The following CLVS2 variants were observed in gnomAD, a reference collection of about 807,000 sequenced individuals.
CLVS2 encodes clavesin-2.
Under a neutral mutation model 29.0 loss-of-function variants are expected in CLVS2, and 19 were observed. The ratio of observed to expected loss-of-function variants is 0.66; its 90% CI spans 0.46 to 0.96. The LOEUF is 0.96. CLVS2 is among the 40% of genes least tolerant of loss of function. The pLI, the probability that CLVS2 is intolerant of heterozygous loss-of-function variation, is 0.00. For missense variants in CLVS2, 294 were observed against 404.1 expected, an observed-to-expected ratio of 0.73 and a Z score of 2.34; for synonymous variants, 161 against 151.3, an observed-to-expected ratio of 1.06 and a Z score of -0.47.
At chr6:123,000,596 G>T (rs1774576620) in intron 2 of CLVS2, among the ~76,000 whole-genome samples, 1 of 152,132 alleles carries the variant, frequency 6.6e-6, no homozygotes, top group Non-Finnish European at 1.5e-5. Flanking sequence ...TCTTTCCCTA[G>T]GTGTTTAAGT....
chr6:123,048,493 CTCCTT>C (rs1772555449), intron 3 of CLVS2, 124 bp from the exon 4 acceptor site: 1 of 595,018 alleles, frequency 1.7e-6, no homozygotes, highest in Admixed American at 3.2e-5. Flanking sequence ...CTTCTTTTCT[CTCCTT>C]AACTCCACAG....
intron 3 of CLVS2, among the ~76,000 whole-genome samples, chr6:123,019,100 A>G (rs1032146567): frequency 6.6e-6 from 1 of 152,062 alleles, no homozygotes; most frequent in Non-Finnish European, 1.5e-5. Context: ...AGCAGGGAGA[A>G]TCACATGCAA....
At chr6:123,018,642 C>T (rs1432745213) in intron 3 of CLVS2, among the ~76,000 whole-genome samples, 1 of 147,140 alleles carries the variant, frequency 6.8e-6, no homozygotes, top group Non-Finnish European at 1.5e-5. Context: ...AACTAAAATA[C>T]TCTTTTTTCT....
chr6:123,001,511 C>T (rs982541230), intron 2 of CLVS2, among the ~76,000 whole-genome samples: 11 of 152,144 alleles, frequency 7.2e-5, no homozygotes, highest in African/African-American at 2.7e-4. Flanking sequence ...TTGAGCTGTA[C>T]CTTGGAAAAG....
At chr6:123,021,034 A>G (rs1774911994) in intron 3 of CLVS2, among the ~76,000 whole-genome samples, 2 of 138,570 alleles carry the variant, frequency 1.4e-5, no homozygotes, top group Admixed American at 1.4e-4. Flanking sequence ...GTCATTGTTC[A>G]CTTATCTGAA....
At chr6:123,059,705 T>C (rs934365958) in intron 5 of CLVS2, among the ~76,000 whole-genome samples, 1 of 152,214 alleles carries the variant, frequency 6.6e-6, no homozygotes, top group Non-Finnish European at 1.5e-5. Context: ...GGAAAGTCTC[T>C]TTACTTACCA....
Position 123,068,963 on chromosome 6 carries a change from T to C in CLVS2, c.*5202T>C, listed in dbSNP as rs1224339631. ...ATCTGCTGCATCTATAAAATGGAGA[T>C]TTCTTTAAAAAATCGTCTAAAAATT... On this transcript the variant is annotated 3_prime_UTR_variant, in exon 6 of 6. Coordinates refer to ENST00000275162, the MANE Select transcript of CLVS2 (RefSeq NM_001010852.4). The C allele has an allele frequency of 1.3e-5, 2 of 151,710 alleles. No homozygotes were observed. Among genetic ancestry groups the C allele is most frequent in the Non-Finnish European group, 3.0e-5 (2 of 67,760 alleles). 9.4% of individuals were successfully genotyped at this position (151,710 alleles called of 1,614,324 possible).
At chr6:123,053,408 T>C (rs1048935803) in intron 4 of CLVS2, among the ~76,000 whole-genome samples, 1 of 152,038 alleles carries the variant, frequency 6.6e-6, no homozygotes, top group African/African-American at 2.4e-5. Context: ...TGCCAAGAAG[T>C]ATTTAGGATG....
At chr6:123,036,052 T>G (rs1775149335) in intron 3 of CLVS2, among the ~76,000 whole-genome samples, 1 of 152,102 alleles carries the variant, frequency 6.6e-6, no homozygotes, top group Admixed American at 6.6e-5. Context: ...GACCAAATAC[T>G]AGTATAAACA....
chr6:123,012,794 A>C (rs937382566), intron 3 of CLVS2, among the ~76,000 whole-genome samples: 23 of 151,990 alleles, frequency 1.5e-4, no homozygotes, highest in African/African-American at 5.6e-4. Flanking sequence ...TCTGTTCCCC[A>C]AAAATATCTC....
chr6:123,045,849 G>C (rs1443755652), intron 3 of CLVS2, among the ~76,000 whole-genome samples: 1 of 152,152 alleles, frequency 6.6e-6, no homozygotes, highest in African/African-American at 2.4e-5. Flanking sequence ...TTATGAGTGA[G>C]AAGTGAGAGA....
At chr6:123,022,357 G>A (rs1774937091) in intron 3 of CLVS2, among the ~76,000 whole-genome samples, 2 of 151,972 alleles carry the variant, frequency 1.3e-5, no homozygotes, top group Admixed American at 1.3e-4. Flanking sequence ...CTTGTGGAGG[G>A]AGGTAAGGAA....
intron 3 of CLVS2, among the ~76,000 whole-genome samples, chr6:123,044,909 C>T (rs1462428566): frequency 6.6e-6 from 1 of 152,058 alleles, no homozygotes; most frequent in Non-Finnish European, 1.5e-5. Flanking sequence ...ATTTTATTTT[C>T]CTTTCACTCT....
At chr6:123,034,094 C>A (rs958674756) in intron 3 of CLVS2, among the ~76,000 whole-genome samples, 2 of 152,088 alleles carry the variant, frequency 1.3e-5, no homozygotes, top group Admixed American at 1.3e-4. Context: ...GGAACTGGCT[C>A]TCTCATTCTT....
At chr6:123,057,064 G>C (rs752909471) in intron 5 of CLVS2, among the ~76,000 whole-genome samples, 15 of 152,120 alleles carry the variant, frequency 9.9e-5, no homozygotes, top group Non-Finnish European at 1.9e-4. Flanking sequence ...CAAACAAGTA[G>C]ATGTGTAATT....
chr6:123,060,766 C>A (rs1772764377), intron 5 of CLVS2, among the ~76,000 whole-genome samples: 1 of 152,058 alleles, frequency 6.6e-6, no homozygotes, highest in African/African-American at 2.4e-5. Context: ...ATTATTTTTC[C>A]CATCTTAAAC....
chr6:123,049,055 G>C (rs909075761), intron 4 of CLVS2, among the ~76,000 whole-genome samples: 8 of 152,232 alleles, frequency 5.3e-5, no homozygotes, highest in African/African-American at 1.9e-4. Flanking sequence ...TTAATTTGAA[G>C]TAAAGTCTAA....
chr6:123,020,326 A>G (rs1379424221), intron 3 of CLVS2, among the ~76,000 whole-genome samples: 1 of 152,056 alleles, frequency 6.6e-6, no homozygotes, highest in African/African-American at 2.4e-5. Flanking sequence ...TTTGAATGCC[A>G]TATCAGTGCT....
intron 3 of CLVS2, among the ~76,000 whole-genome samples, chr6:123,018,594 A>G (rs1774874936): frequency 6.6e-6 from 1 of 151,734 alleles, no homozygotes; most frequent in South Asian, 2.1e-4. Context: ...TTATCCATGA[A>G]TAATACTCTT....
Sources: allele counts gnomAD v4.1 joint callset (sites outside exome capture counted in the v4.1 genomes callset), GRCh38; gene constraint gnomAD v4.1.1; transcripts MANE v1.5; gene names NCBI Gene and HGNC (gene_info 2026-07-23, HGNC 2026-07-21).